Variants in PBX1 observed in about 807,000 individuals in gnomAD.
The protein encoded by PBX1 is pre-B-cell leukemia transcription factor 1.
A neutral mutation model predicts 53.4 loss-of-function variants in PBX1; 6 were observed. The observed-to-expected ratio is 0.11, with a 90% CI of 0.06 to 0.22. PBX1 has a LOEUF of 0.22. PBX1 is among the 10% of genes least tolerant of loss of function. PBX1 has a pLI of 1.00. For synonymous variants in PBX1, 204 were observed against 212.3 expected, an observed-to-expected ratio of 0.96 and a Z score of 0.34; for missense variants, 251 against 551.4, an observed-to-expected ratio of 0.46 and a Z score of 5.46.
At chr1:164,574,211 T>A (rs945333083) in intron 2 of PBX1, among the ~76,000 whole-genome samples, 1 of 152,218 alleles carries the variant, frequency 6.6e-6, no homozygotes, top group Non-Finnish European at 1.5e-5. Context: ...AAGTGTTCCC[T>A]AGAATAGACT....
chr1:164,560,930 G>A (rs1351552291), intron 1 of PBX1, among the ~76,000 whole-genome samples: 2 of 152,134 alleles, frequency 1.3e-5, no homozygotes, highest in African/African-American at 4.8e-5. Flanking sequence ...TCTTCATTAA[G>A]GAAACATAAT....
chr1:164,682,030 G>T (rs1374503673), intron 2 of PBX1: 1 of 152,286 alleles, frequency 6.6e-6, no homozygotes, highest in Non-Finnish European at 1.5e-5. Context: ...TTTCTGTAGT[G>T]TATGCTGTAA....
chr1:164,817,323 A>G (rs1212163054), intron 6 of PBX1: 1 of 152,172 alleles, frequency 6.6e-6, no homozygotes, highest in Non-Finnish European at 1.5e-5. Flanking sequence ...TATCCATTCC[A>G]TGATAAATTC....
intron 2 of PBX1, among the ~76,000 whole-genome samples, chr1:164,590,766 T>C (rs1655316597): frequency 6.6e-6 from 1 of 152,094 alleles, no homozygotes; most frequent in African/African-American, 2.4e-5. Flanking sequence ...CAAAGTCTGC[T>C]CTACAGGGAT....
chr1:164,791,742 T>A (rs1328598479), intron 2 of PBX1, among the ~76,000 whole-genome samples: 1 of 152,176 alleles, frequency 6.6e-6, no homozygotes, highest in Non-Finnish European at 1.5e-5. Flanking sequence ...GGGATGAAAG[T>A]AAAAAATATA....
At chr1:164,591,552 T>G (rs1655382754) in intron 2 of PBX1, among the ~76,000 whole-genome samples, 1 of 152,224 alleles carries the variant, frequency 6.6e-6, no homozygotes, top group South Asian at 2.1e-4. Flanking sequence ...AGCAGCAGCA[T>G]TTGCATACAA....
chr1:164,869,549 C>G (rs1303759491), intron 2 of PBX1, among the ~76,000 whole-genome samples: 1 of 152,156 alleles, frequency 6.6e-6, no homozygotes, highest in Non-Finnish European at 1.5e-5. Flanking sequence ...GAGAGTTTAC[C>G]GAGCACCTTC....
chr1:164,882,640 A>G (rs1672687596), intron 2 of PBX1, among the ~76,000 whole-genome samples: 1 of 152,146 alleles, frequency 6.6e-6, no homozygotes, highest in Non-Finnish European at 1.5e-5. Flanking sequence ...GAGTCTCACT[A>G]TGTTGATTAG....
chr1:164,782,538 T>C (rs1441637779), intron 2 of PBX1, among the ~76,000 whole-genome samples: 2 of 152,238 alleles, frequency 1.3e-5, no homozygotes, highest in African/African-American at 4.8e-5. Flanking sequence ...TCAAGGTCAA[T>C]AGCTCATTGT....
chr1:164,634,356 G>T (rs948605811), intron 2 of PBX1, among the ~76,000 whole-genome samples: 1 of 152,188 alleles, frequency 6.6e-6, no homozygotes, highest in Non-Finnish European at 1.5e-5. Flanking sequence ...TAAAAGGATG[G>T]TTATAATAAA....
At chr1:164,811,354 AC>A (rs1651746100) in intron 5 of PBX1, among the ~76,000 whole-genome samples, 1 of 152,106 alleles carries the variant, frequency 6.6e-6, no homozygotes, top group South Asian at 2.1e-4. Flanking sequence ...TAACATTTAA[AC>A]CCTAGAATTC....
chr1:164,663,811 G>T (rs1660652771), intron 2 of PBX1, among the ~76,000 whole-genome samples: 1 of 152,322 alleles, frequency 6.6e-6, no homozygotes, highest in African/African-American at 2.4e-5. Context: ...GTGAACCCCA[G>T]GCCAACTTTC....
chr1:164,830,335 G>A (rs754460559), intron 8 of PBX1, among the ~76,000 whole-genome samples: 25 of 152,226 alleles, frequency 1.6e-4, no homozygotes, highest in Non-Finnish European at 2.8e-4. Context: ...GTGGGGTGAC[G>A]GTGTTAGAGG....
chr1:164,653,474 A>C (rs913668928), intron 2 of PBX1, among the ~76,000 whole-genome samples: 3 of 151,964 alleles, frequency 2.0e-5, no homozygotes, highest in Admixed American at 2.0e-4. Flanking sequence ...GGTGCTGGGC[A>C]AGAGGGATGA....
chr1:164,830,963 A>G (rs1401209828), intron 8 of PBX1, among the ~76,000 whole-genome samples: 1 of 152,232 alleles, frequency 6.6e-6, no homozygotes, highest in Non-Finnish European at 1.5e-5. Context: ...TGTAAAGTCT[A>G]CATGCTCTCT....
rs1157190579 is a variant in PBX1 at position 164,703,403 on chromosome 1, TGTGA to T, written c.266-89085_266-89082del. 9.8e-5 allele frequency: 15 copies of T among 152,344 alleles called. No individual in the cohort carries two copies. The East Asian group carries it at 2.7e-3, about 27-fold the overall frequency. The allele number at this position is 152,344 out of a possible 1,614,324, so 9.4% of individuals were successfully genotyped here. On this transcript the variant is annotated intron_variant, in intron 2 of 8. Transcript: ENST00000420696. ...CAACTTCAGGATGGTGCTGTAGCAT[TGTGA>T]GTGAGAGGAGAATATATTTAGTTCA...
chr1:164,689,008 C>T (rs2102017196), intron 2 of PBX1, among the ~76,000 whole-genome samples: 1 of 152,360 alleles, frequency 6.6e-6, no homozygotes, highest in African/African-American at 2.4e-5. Flanking sequence ...CCCCTTGGTG[C>T]CGCAGGCCAC....
At chr1:164,753,554 G>A (rs954662632) in intron 2 of PBX1, among the ~76,000 whole-genome samples, 2 of 152,174 alleles carry the variant, frequency 1.3e-5, no homozygotes, top group Admixed American at 6.5e-5. Context: ...TAGAAAAGGA[G>A]TCCCTTGGAA....
rs1662781159 is a variant in PBX1, at chr1:164,696,003, G to A, written c.266-96491G>A. Among the ~76,000 whole-genome samples, 2 of 152,222 alleles carry A rather than the reference G, an allele frequency of 1.3e-5. 1 individual carries two copies. Among genetic ancestry groups the A allele is most frequent in the South Asian group, 4.1e-4 (2 of 4,826 alleles). On this transcript the variant is annotated intron_variant, in intron 2 of 8. Transcript: ENST00000420696. ...TGGAAAATACAGGAAGTAGGATAGA[G>A]TAGGCAAAGTGAGGCCCATGTGCTT...
Sources: allele counts gnomAD v4.1 joint callset (sites outside exome capture counted in the v4.1 genomes callset), GRCh38; gene constraint gnomAD v4.1.1; transcripts MANE v1.5; gene names NCBI Gene and HGNC (gene_info 2026-07-23, HGNC 2026-07-21).